The following CCSER1 variants were observed in gnomAD, a reference collection of about 807,000 sequenced individuals.
CCSER1 encodes the protein serine-rich coiled-coil domain-containing protein 1.
In CCSER1, 41 loss-of-function variants were observed where a neutral mutation model predicts 82.0. The observed-to-expected ratio is 0.50, with a 90% CI of 0.39 to 0.65. CCSER1 has a LOEUF of 0.65. CCSER1 is among the 30% of genes least tolerant of loss of function. The pLI, the probability that CCSER1 is intolerant of heterozygous loss-of-function variation, is 0.00. For synonymous variants in CCSER1, 414 were observed against 383.9 expected (o/e 1.08, Z -0.92); for missense variants, 1,119 against 1,064.2 (o/e 1.05, Z -0.72).
At chr4:90,413,155 A>C (rs557341100) in intron 4 of CCSER1, among the ~76,000 whole-genome samples, 2 of 152,206 alleles carry the variant, frequency 1.3e-5, no homozygotes, top group Non-Finnish European at 2.9e-5. Flanking sequence ...ACCAACAGTT[A>C]CCAACCTGAG....
At chr4:90,140,180 A>G (rs1560675316) in intron 1 of CCSER1, among the ~76,000 whole-genome samples, 1 of 152,198 alleles carries the variant, frequency 6.6e-6, no homozygotes, top group Non-Finnish European at 1.5e-5. Flanking sequence ...AATAAAAACT[A>G]TGTTTAATCT....
chr4:90,161,601 CTT>C (rs1281221785), intron 1 of CCSER1, among the ~76,000 whole-genome samples: 1 of 151,734 alleles, frequency 6.6e-6, no homozygotes, highest in Non-Finnish European at 1.5e-5. Context: ...GAAAATAACT[CTT>C]GTCATTGTGA....
At chr4:90,795,181 G>A (rs990323511) in intron 7 of CCSER1, among the ~76,000 whole-genome samples, 2 of 151,864 alleles carry the variant, frequency 1.3e-5, no homozygotes, top group Non-Finnish European at 2.9e-5. Flanking sequence ...CAACTACTCG[G>A]GAGACTGAGG....
intron 4 of CCSER1, among the ~76,000 whole-genome samples, chr4:90,452,117 T>C (rs1320931194): frequency 1.3e-5 from 2 of 152,110 alleles, no homozygotes; most frequent in Non-Finnish European, 2.9e-5. Context: ...TCATTCAGGG[T>C]GACTATTGCA....
At chr4:90,233,007 C>T (rs975459409) in intron 1 of CCSER1, among the ~76,000 whole-genome samples, 2 of 151,712 alleles carry the variant, frequency 1.3e-5, no homozygotes. Context: ...GAAATAGGAA[C>T]ACTTTGACAC....
intron 5 of CCSER1, among the ~76,000 whole-genome samples, chr4:90,612,018 A>G (rs1007283050): frequency 1.3e-5 from 2 of 151,470 alleles, no homozygotes; most frequent in Admixed American, 1.3e-4. Flanking sequence ...CCTTATTTTC[A>G]CTTTGATTTT....
intron 6 of CCSER1, among the ~76,000 whole-genome samples, chr4:90,712,970 G>C: frequency 6.7e-6 from 1 of 149,366 alleles, no homozygotes; most frequent in South Asian, 2.1e-4. Flanking sequence ...TGCAACCCCT[G>C]CTTTTTTCTT....
chr4:90,803,224 A>T lies in CCSER1; in HGVS notation c.2011-12538A>T, dbSNP rs527871732. The stretch of plus-strand genomic sequence containing the variant: ...TTTTTTAATGTTTTTGTCTTTTTTT[A>T]AATTATACTTTAAGTTCTGGGGTAC... On this transcript the variant is annotated intron_variant, in intron 7 of 10. Coordinates refer to ENST00000509176, the MANE Select transcript of CCSER1 (RefSeq NM_001145065.2). 8.0e-5 allele frequency among the ~76,000 whole-genome samples: 12 copies of T among 149,588 alleles called. 1 individual carries two copies. In the South Asian group the frequency reaches 2.3e-3, roughly 29 times the overall value.
chr4:91,222,831 T>A (rs1180701837), intron 10 of CCSER1, among the ~76,000 whole-genome samples: 1 of 152,182 alleles, frequency 6.6e-6, no homozygotes, highest in Non-Finnish European at 1.5e-5. Context: ...ACTTTAAATG[T>A]TAATTAATTT....
intron 5 of CCSER1, among the ~76,000 whole-genome samples, chr4:90,579,376 G>A (rs1477116815): frequency 2.6e-5 from 4 of 152,146 alleles, no homozygotes; most frequent in Non-Finnish European, 5.9e-5. Flanking sequence ...CCCTATGGGA[G>A]CAATTATTCT....
At chr4:91,385,133 A>T (rs540529811) in intron 10 of CCSER1, among the ~76,000 whole-genome samples, 1 of 152,092 alleles carries the variant, frequency 6.6e-6, no homozygotes, top group East Asian at 1.9e-4. Context: ...AAGGTTATTC[A>T]TTGAAAAATG....
chr4:91,567,925 T>C (rs1192645174), intron 10 of CCSER1, among the ~76,000 whole-genome samples: 1 of 152,144 alleles, frequency 6.6e-6, no homozygotes, highest in Non-Finnish European at 1.5e-5. Flanking sequence ...CTGGTTATTA[T>C]GTTGGCTTGT....
intron 6 of CCSER1, among the ~76,000 whole-genome samples, chr4:90,646,798 A>G (rs1241593534): frequency 2.0e-5 from 3 of 152,122 alleles, no homozygotes; most frequent in Non-Finnish European, 2.9e-5. Context: ...CATTAGCCCT[A>G]TGATATTCTA....
At chr4:91,148,027 ATTATT>A (rs984566968) in intron 10 of CCSER1, among the ~76,000 whole-genome samples, 1 of 152,156 alleles carries the variant, frequency 6.6e-6, no homozygotes, top group African/African-American at 2.4e-5. Context: ...AGAATTCAAG[ATTATT>A]TTATTTGCTT....
chr4:91,570,274 T>A (rs1763107608), intron 10 of CCSER1, among the ~76,000 whole-genome samples: 1 of 151,686 alleles, frequency 6.6e-6, no homozygotes, highest in South Asian at 2.1e-4. Context: ...CAGTGGAAGC[T>A]GTCAGTGGGT....
At chr4:90,862,719 T>TTATGTAGCTGGACTCCACAAAAACGC (rs1258921852) in intron 8 of CCSER1, among the ~76,000 whole-genome samples, 6 of 151,988 alleles carry the variant, frequency 3.9e-5, no homozygotes, top group Non-Finnish European at 5.9e-5. Context: ...TGATTCTGTG[T>TTATGTAGCTGGACTCCACAAAAACGC]TATGTAGCTG....
At chr4:91,563,760 C>T (rs547876728) in intron 10 of CCSER1, among the ~76,000 whole-genome samples, 8 of 151,848 alleles carry the variant, frequency 5.3e-5, no homozygotes, top group Non-Finnish European at 1.0e-4. Flanking sequence ...AAAATTGTCT[C>T]TTTCGGCAAA....
intron 1 of CCSER1, among the ~76,000 whole-genome samples, chr4:90,238,965 C>T (rs879471145): frequency 2.0e-5 from 3 of 152,032 alleles, no homozygotes; most frequent in Non-Finnish European, 4.4e-5. Flanking sequence ...ATTCTCCTTC[C>T]TCAGCCTTCT....
At chr4:90,379,950 G>A (rs1188642358) in intron 3 of CCSER1, among the ~76,000 whole-genome samples, 1 of 151,934 alleles carries the variant, frequency 6.6e-6, no homozygotes, top group Non-Finnish European at 1.5e-5. Flanking sequence ...GAAGAGAAGG[G>A]GGAATTGCTA....
Sources: gnomAD v4.1 joint callset for allele counts (sites outside exome capture counted in the v4.1 genomes callset) on GRCh38, gnomAD v4.1.1 for gene constraint, MANE v1.5 for transcripts, NCBI Gene and HGNC (gene_info 2026-07-23, HGNC 2026-07-21) for gene names.